HIPK2: variants seen among roughly 807,000 people sequenced by gnomAD.
HIPK2 encodes the protein homeodomain interacting protein kinase 2.
In HIPK2, 27 loss-of-function variants were observed where a neutral mutation model predicts 113.7. The observed-to-expected ratio is 0.24, with a 90% CI of 0.17 to 0.33. The LOEUF (loss-of-function observed/expected upper bound fraction) is 0.33. HIPK2 is among the 10% of genes least tolerant of loss of function. The pLI is 1.00. For synonymous variants in HIPK2, 631 were observed against 642.2 expected, an observed-to-expected ratio of 0.98 and a Z score of 0.26; for missense variants, 1,257 against 1,588.0, an observed-to-expected ratio of 0.79 and a Z score of 3.54.
intron 9 of HIPK2, among the ~76,000 whole-genome samples, chr7:139,610,087 C>T (rs1799761950): frequency 6.6e-6 from 1 of 152,186 alleles, no homozygotes; most frequent in Non-Finnish European, 1.5e-5. Flanking sequence ...TAGGGACTCT[C>T]TTTCAAGGAA....
At chr7:139,747,756 C>G (rs1796213148) in intron 1 of HIPK2, among the ~76,000 whole-genome samples, 1 of 152,228 alleles carries the variant, frequency 6.6e-6, no homozygotes, top group African/African-American at 2.4e-5. Flanking sequence ...CCCGGTTTTT[C>G]CCTTGGGTCC....
intron 9 of HIPK2, among the ~76,000 whole-genome samples, chr7:139,607,426 T>A (rs183185692): frequency 6.6e-6 from 1 of 152,086 alleles, no homozygotes; most frequent in East Asian, 1.9e-4. Context: ...CCACTGTGGA[T>A]GAGGAGAAAG....
In HIPK2 at chr7:139,574,678, C is replaced by G. The variant is rs545507009; in HGVS notation, c.3126+450G>C. Reference sequence around the variant, plus strand: ...CTCACATTTCACCTCAACCCACCCCCCTTCCTCCAGGTCCTGGGACAAATC... The same window carrying G: ...CTCACATTTCACCTCAACCCACCCCGCTTCCTCCAGGTCCTGGGACAAATC... On this transcript the variant is annotated intron_variant, in intron 14 of 14. Coordinates refer to ENST00000406875, the MANE Select transcript of HIPK2 (RefSeq NM_022740.5). Among the ~76,000 whole-genome samples the G allele has an allele frequency of 3.9e-5, 6 of 152,350 alleles. No individual in the cohort carries two copies. In the South Asian group the frequency reaches 1.2e-3, roughly 32 times the overall value.
chr7:139,700,968 A>G (rs1363327191), intron 2 of HIPK2, among the ~76,000 whole-genome samples: 11 of 152,282 alleles, frequency 7.2e-5, no homozygotes, highest in Admixed American at 7.2e-4. Context: ...CATGCAATAG[A>G]AAGAGAAACA....
At chr7:139,737,654 T>C (rs1428768960) in intron 1 of HIPK2, among the ~76,000 whole-genome samples, 1 of 152,166 alleles carries the variant, frequency 6.6e-6, no homozygotes, top group Admixed American at 6.5e-5. Context: ...AGCTCCCCAG[T>C]GCCCCATTGG....
At chr7:139,672,620 G>A (rs534966495) in intron 2 of HIPK2, among the ~76,000 whole-genome samples, 5 of 152,142 alleles carry the variant, frequency 3.3e-5, no homozygotes, top group East Asian at 3.9e-4. Context: ...CACCACGCCC[G>A]CCTAATTTTT....
At chr7:139,712,970 C>T (rs1019816250) in intron 2 of HIPK2, among the ~76,000 whole-genome samples, 3 of 152,106 alleles carry the variant, frequency 2.0e-5, no homozygotes, top group African/African-American at 7.2e-5. Context: ...ATTTTTGGAA[C>T]CAGGGCTGGG....
At chr7:139,611,989 T>G (rs1416901657) in intron 9 of HIPK2, among the ~76,000 whole-genome samples, 1 of 152,122 alleles carries the variant, frequency 6.6e-6, no homozygotes, top group Non-Finnish European at 1.5e-5. Context: ...GTAACTAAAA[T>G]TCTTATGAAA....
chr7:139,760,111 T>C (rs1796440303), intron 1 of HIPK2, among the ~76,000 whole-genome samples: 1 of 151,782 alleles, frequency 6.6e-6, no homozygotes, highest in Non-Finnish European at 1.5e-5. Flanking sequence ...CACGCCATTC[T>C]CCTGCCTCAG....
intron 1 of HIPK2, among the ~76,000 whole-genome samples, chr7:139,731,206 G>A (rs1795768850): frequency 6.6e-6 from 1 of 152,212 alleles, no homozygotes; most frequent in Non-Finnish European, 1.5e-5. Flanking sequence ...ATCGCAAAGT[G>A]ACGCTGGCCA....
rs1022933550 is a variant in HIPK2 at position 139,646,321 on chromosome 7, C to T, written c.1104-14596G>A. Reference sequence around the variant, plus strand: ...GAGTAGCCTGGGCAACATAGTAAGACTCCGTCCCTACAAAAAATTTTTTAA... The same window carrying T: ...GAGTAGCCTGGGCAACATAGTAAGATTCCGTCCCTACAAAAAATTTTTTAA... On this transcript the variant is annotated intron_variant, in intron 2 of 14. Coordinates refer to ENST00000406875, the MANE Select transcript of HIPK2 (RefSeq NM_022740.5). 2.6e-5 allele frequency among the ~76,000 whole-genome samples: 4 copies of T among 151,916 alleles called. No individual in the cohort carries two copies. The East Asian group carries it at 7.7e-4, about 29-fold the overall frequency.
intron 2 of HIPK2, among the ~76,000 whole-genome samples, chr7:139,673,802 C>T (rs1417681209): frequency 6.8e-6 from 1 of 147,006 alleles, no homozygotes; most frequent in African/African-American, 2.5e-5. Context: ...AATCCCAGCA[C>T]TTTGGGAGGG....
At chr7:139,649,078 G>A (rs573761023) in intron 2 of HIPK2, among the ~76,000 whole-genome samples, 4 of 121,702 alleles carry the variant, frequency 3.3e-5, no homozygotes, top group Non-Finnish European at 8.0e-5. Flanking sequence ...AGAGAACAAT[G>A]CAGGCCATCT....
chr7:139,717,636 G>A (rs189891328), intron 1 of HIPK2, among the ~76,000 whole-genome samples: 1 of 152,138 alleles, frequency 6.6e-6, no homozygotes, highest in African/African-American at 2.4e-5. Flanking sequence ...TTACTGGTGG[G>A]GACTGGGTAG....
chr7:139,649,701 G>A (rs1225016447), intron 2 of HIPK2, among the ~76,000 whole-genome samples: 3 of 152,068 alleles, frequency 2.0e-5, no homozygotes, highest in South Asian at 2.1e-4. Flanking sequence ...CCAATTCAGA[G>A]GGTCCCAGAA....
intron 1 of HIPK2, among the ~76,000 whole-genome samples, chr7:139,742,941 G>A (rs1256586964): frequency 6.6e-6 from 1 of 152,178 alleles, no homozygotes; most frequent in Non-Finnish European, 1.5e-5. Context: ...CGTCTGTCCA[G>A]GACCCATCAA....
chr7:139,684,276 C>T (rs932148985), intron 2 of HIPK2, among the ~76,000 whole-genome samples: 4 of 152,196 alleles, frequency 2.6e-5, no homozygotes, highest in Non-Finnish European at 5.9e-5. Context: ...GGGCCTCTCT[C>T]TTCTCTGAGA....
chr7:139,753,742 C>T (rs539507191), intron 1 of HIPK2, among the ~76,000 whole-genome samples: 13 of 152,330 alleles, frequency 8.5e-5, no homozygotes, highest in African/African-American at 2.6e-4. Context: ...AGCGTCTCTG[C>T]GAGGGCAGGC....
intron 2 of HIPK2, among the ~76,000 whole-genome samples, chr7:139,701,071 C>T (rs1794692458): frequency 6.6e-6 from 1 of 152,214 alleles, no homozygotes; most frequent in East Asian, 1.9e-4. Flanking sequence ...CTAACTGGGA[C>T]CTGCATGGCG....
Sources: allele counts gnomAD v4.1 joint callset (sites outside exome capture counted in the v4.1 genomes callset), GRCh38; gene constraint gnomAD v4.1.1; transcripts MANE v1.5; gene names NCBI Gene and HGNC (gene_info 2026-07-23, HGNC 2026-07-21).